The following KIRREL3 variants were observed in gnomAD, a reference collection of about 807,000 sequenced individuals.
The protein encoded by KIRREL3 is kin of IRRE-like protein 3.
KIRREL3 carries 36 observed loss-of-function variants against 89.7 expected under a neutral mutation model. The observed-to-expected ratio is 0.40, with a 90% confidence interval of 0.31 to 0.53. The LOEUF (loss-of-function observed/expected upper bound fraction) is 0.53, where lower values mean the gene tolerates loss of function less well. Ranked by LOEUF, KIRREL3 falls within the 20% of genes least tolerant of loss-of-function variation. The probability of loss-of-function intolerance (pLI) is 0.49; values close to 1 mark genes in which losing one functional copy is unlikely to be tolerated. For missense variants in KIRREL3, 864 were observed against 1,056.6 expected, an observed-to-expected ratio of 0.82 and a Z score of 2.53; for synonymous variants, 445 against 441.4, an observed-to-expected ratio of 1.01 and a Z score of -0.10.
In KIRREL3 at chr11:126,898,872, T is replaced by C. The variant is rs963181904; in HGVS notation, c.55+101583A>G. ...ATAGCACATAACTTAGAACATGGAA[T>C]AAATGCCAACTTAAGTGGTGATTTT... is the stretch of plus-strand genomic sequence containing the variant. On this transcript the variant is annotated intron_variant, in intron 1 of 16. Coordinates refer to ENST00000525144, the MANE Select transcript of KIRREL3 (RefSeq NM_032531.4). The surrounding 1 kb of genome is among the most constrained non-coding windows in gnomAD (Gnocchi z 4.9). 9.9e-5 allele frequency among the ~76,000 whole-genome samples: 15 copies of C among 152,284 alleles called. No homozygotes were observed. Among genetic ancestry groups the C allele is most frequent in the Non-Finnish European group, 1.9e-4 (13 of 68,034 alleles).
Position 126,811,905 on chromosome 11 carries a change from G to T in KIRREL3, c.55+188550C>A, listed in dbSNP as rs1346296595. 6.6e-6 allele frequency among the ~76,000 whole-genome samples: 1 copy of T among 152,136 alleles called. No homozygotes were observed. Among genetic ancestry groups the T allele is most frequent in the Non-Finnish European group, 1.5e-5 (1 of 68,030 alleles). ...CCTGGCCAGCAATGAACTTCTAAGAGAAATCAGATCAAGCCCTCAAACATT... is the reference window on the plus strand; with the variant it reads ...CCTGGCCAGCAATGAACTTCTAAGATAAATCAGATCAAGCCCTCAAACATT... On this transcript the variant is annotated intron_variant, in intron 1 of 16. Coordinates refer to ENST00000525144, the MANE Select transcript of KIRREL3 (RefSeq NM_032531.4). This position sits in a 1 kb window ranked among gnomAD's most constrained non-coding sequence, Gnocchi z 4.3.
At chr11:126,928,643 G>T (rs76846339) in intron 1 of KIRREL3, among the ~76,000 whole-genome samples, 1 of 152,212 alleles carries the variant, frequency 6.6e-6, no homozygotes, top group Non-Finnish European at 1.5e-5. Flanking sequence ...GGAGAGCAAG[G>T]TCTCAGTTAA....
At position 126,645,069 on chromosome 11, in the gene KIRREL3, T is replaced by A. The variant is rs895936510; in HGVS notation, c.56-82157A>T. Among the ~76,000 whole-genome samples the A allele has an allele frequency of 1.3e-5, 2 of 150,956 alleles. No individual in the cohort carries two copies. The highest frequency in any genetic ancestry group is 3.4e-3 in the Middle Eastern group (1 of 292). On this transcript the variant is annotated intron_variant, in intron 1 of 16. Transcript: ENST00000525144. The surrounding 1 kb of genome is among the most constrained non-coding windows in gnomAD (Gnocchi z 4.9). ...AGGAGCATTTCAGTCAATGGGAGAG[T>A]GGATAAATGAGCAGAGGTGAAGTGA...
intron 1 of KIRREL3, chr11:126,935,327 A>T (rs1266500954): frequency 1.3e-5 from 2 of 151,262 alleles, no homozygotes; most frequent in Non-Finnish European, 2.9e-5. Context: ...AAAAAAAAAA[A>T]GAAAAGAAAC....
intron 1 of KIRREL3, among the ~76,000 whole-genome samples, chr11:126,770,837 C>T (rs1274401203): frequency 5.3e-5 from 8 of 152,134 alleles, no homozygotes; most frequent in Non-Finnish European, 7.4e-5. Flanking sequence ...GGAGCATTTA[C>T]TTATTTATTT....
At chr11:126,542,412 C>T (rs1160129346) in intron 2 of KIRREL3, among the ~76,000 whole-genome samples, 1 of 152,170 alleles carries the variant, frequency 6.6e-6, no homozygotes, top group African/African-American at 2.4e-5. Flanking sequence ...GATGGACAAT[C>T]CAAAACAGTG....
At chr11:126,974,830 T>G (rs1391691999) in intron 1 of KIRREL3, among the ~76,000 whole-genome samples, 1 of 152,156 alleles carries the variant, frequency 6.6e-6, no homozygotes, top group East Asian at 1.9e-4. Flanking sequence ...CTCAGCCTCC[T>G]GAGTAGCTGG....
intron 1 of KIRREL3, among the ~76,000 whole-genome samples, chr11:126,749,345 A>T (rs890257772): frequency 3.3e-5 from 5 of 152,118 alleles, no homozygotes; most frequent in Non-Finnish European, 5.9e-5. Flanking sequence ...GTTGGTATTT[A>T]TGTCTTGCTT....
chr11:126,923,390 C>T (rs1192450371), intron 1 of KIRREL3, among the ~76,000 whole-genome samples: 14 of 652 alleles, frequency 0.021, no homozygotes, highest in African/African-American at 0.067. Flanking sequence ...CTTCTTCTTC[C>T]TCTTCTTTCT....
At position 126,757,640 on chromosome 11, in the gene KIRREL3, A is replaced by G. The variant is rs370688654; in HGVS notation, c.56-194728T>C. On this transcript the variant is annotated intron_variant, in intron 1 of 16. Coordinates refer to ENST00000525144, the MANE Select transcript of KIRREL3 (RefSeq NM_032531.4). ...AATCCTTGATCTGGTGACATTTTTC[A>G]TTATATCAACCTTCATTTCTGTGTT... Among the ~76,000 whole-genome samples the G allele has an allele frequency of 2.4e-3, 360 of 152,256 alleles. 17 individuals carry two copies. The South Asian group carries it at 0.073, about 31-fold the overall frequency.
At chr11:126,436,742 G>T in intron 12 of KIRREL3, 69 bp downstream of exon 12, 1 of 1,556,534 alleles carries the variant, frequency 6.4e-7, no homozygotes, top group South Asian at 1.1e-5. Flanking sequence ...CCCGCGCCCT[G>T]ACCTAGGTGA....
rs1210392760 is a variant in KIRREL3 at position 126,472,983 on chromosome 11, C to T, written c.591+326G>A. On this transcript the variant is annotated intron_variant, in intron 5 of 16. Transcript: ENST00000525144. ...CCCAGCAGCCCCCCACCATCCTCCT[C>T]TCTACCTAACCCCCAGCCCCTGCCA... Among the ~76,000 whole-genome samples, 3 of 100,864 alleles carry T rather than the reference C, an allele frequency of 3.0e-5. No individual in the cohort carries two copies. The Admixed American group carries it at 3.1e-4, about 10-fold the overall frequency. 66.2% of individuals were successfully genotyped at this position (100,864 alleles called of 152,430 possible).
intron 1 of KIRREL3, among the ~76,000 whole-genome samples, chr11:126,980,147 G>A (rs116055219): frequency 0.01 from 1,553 of 152,270 alleles, 19 homozygotes; most frequent in African/African-American, 0.034. Flanking sequence ...AATATGAAGC[G>A]TATTTCAGTA....
At chr11:126,899,524 C>T (rs1051470724) in intron 1 of KIRREL3, among the ~76,000 whole-genome samples, 7 of 152,194 alleles carry the variant, frequency 4.6e-5, no homozygotes, top group African/African-American at 1.7e-4. Context: ...CACTTTTCTC[C>T]TTCCATCTAA....
Position 126,427,119 on chromosome 11 carries a change from T to C in KIRREL3, c.1807-1395A>G, listed in dbSNP as rs1473852694. Among the ~76,000 whole-genome samples, 2 of 152,148 alleles carry C rather than the reference T, an allele frequency of 1.3e-5. No individual in the cohort carries two copies. The highest frequency in any genetic ancestry group is 4.8e-5 in the African/African-American group (2 of 41,436). On this transcript the variant is annotated intron_variant, in intron 15 of 16. Coordinates refer to ENST00000525144, the MANE Select transcript of KIRREL3 (RefSeq NM_032531.4). The surrounding 1 kb of genome is among the most constrained non-coding windows in gnomAD (Gnocchi z 5.3). ...CTGAGGCAAACAGAATGTTTGCCGA[T>C]GGGAGAGAATTCAAGGTCCCGTTTG...
At chr11:126,589,614 A>G (rs1245607889) in intron 1 of KIRREL3, among the ~76,000 whole-genome samples, 1 of 152,228 alleles carries the variant, frequency 6.6e-6, no homozygotes, top group East Asian at 1.9e-4. Flanking sequence ...ACAGCTCATC[A>G]CACAGCAGTG....
At chr11:126,449,840 T>C (rs1032543315) in intron 7 of KIRREL3, among the ~76,000 whole-genome samples, 3 of 152,206 alleles carry the variant, frequency 2.0e-5, no homozygotes, top group African/African-American at 2.4e-5. Flanking sequence ...CTGCATGGTG[T>C]CTCCTCGCCC....
rs1470712341 is a variant in KIRREL3, at chr11:126,805,778, G to C, written c.55+194677C>G. On this transcript the variant is annotated intron_variant, in intron 1 of 16. Transcript: ENST00000525144. This position sits in a 1 kb window ranked among gnomAD's most constrained non-coding sequence, Gnocchi z 4.3. ...AAGGAAGAAAAACCAAGGGAGGAGGGAATTCTTGATAGTCTCTGTCTTTCA... is the reference window on the plus strand; with the variant it reads ...AAGGAAGAAAAACCAAGGGAGGAGGCAATTCTTGATAGTCTCTGTCTTTCA... 6.6e-6 allele frequency among the ~76,000 whole-genome samples: 1 copy of C among 152,164 alleles called. No homozygotes were observed. The highest frequency in any genetic ancestry group is 6.5e-5 in the Admixed American group (1 of 15,284).
In KIRREL3 at chr11:126,623,911, T is replaced by G. The variant is rs1226601714; in HGVS notation, c.56-60999A>C. Among the ~76,000 whole-genome samples the G allele has an allele frequency of 6.6e-6, 1 of 152,216 alleles. No individual in the cohort carries two copies. Among genetic ancestry groups the G allele is most frequent in the Non-Finnish European group, 1.5e-5 (1 of 68,036 alleles). On this transcript the variant is annotated intron_variant, in intron 1 of 16. Transcript: ENST00000525144. This position sits in a 1 kb window ranked among gnomAD's most constrained non-coding sequence, Gnocchi z 4.1. ...AGAAGGGGCTGGCAGGTACCTCTTT[T>G]TATTCATTGAGAAAGTAACGGTGAG...
Sources: allele counts gnomAD v4.1 joint callset (sites outside exome capture counted in the v4.1 genomes callset), GRCh38; gene constraint gnomAD v4.1.1; non-coding constraint Gnocchi (gnomAD v3.1); transcripts MANE v1.5; gene names NCBI Gene and HGNC (gene_info 2026-07-23, HGNC 2026-07-21).